The following TMEM51 variants were observed in gnomAD, a reference collection of about 807,000 sequenced individuals.
The protein encoded by TMEM51 is transmembrane protein 51.
In TMEM51, 8 loss-of-function variants were observed where a neutral mutation model predicts 13.6. The ratio of observed to expected loss-of-function variants is 0.59; its 90% CI spans 0.35 to 1.07. The LOEUF is 1.07. Among genes scored for constraint, TMEM51 ranks in the 50% least tolerant of loss-of-function variants. The probability of loss-of-function intolerance (pLI) is 0.02; values close to 1 mark genes in which losing one functional copy is unlikely to be tolerated. For missense variants in TMEM51, 279 were observed against 330.7 expected (o/e 0.84, Z 1.21); for synonymous variants, 147 against 144.4 (o/e 1.02, Z -0.13).
rs1643256414 is a variant in TMEM51, at chr1:15,171,127, C to A, written c.-267+17173C>A. On this transcript the variant is annotated intron_variant, in intron 1 of 3. Coordinates refer to ENST00000376008, the MANE Select transcript of TMEM51 (RefSeq NM_001136218.2). ...TCCACCCCCCGCCACATCCCCCACCCCCAGTTGCTGATTCAGTAGGTCTGA... is the reference window on the plus strand; with the variant it reads ...TCCACCCCCCGCCACATCCCCCACCACCAGTTGCTGATTCAGTAGGTCTGA... 1.0e-5 allele frequency: 13 copies of A among 1,288,086 alleles called. No individual in the cohort carries two copies. The South Asian group carries it at 1.5e-4, about 15-fold the overall frequency. 79.8% of individuals were successfully genotyped at this position (1,288,086 alleles called of 1,614,324 possible).
At chr1:15,192,536 C>T (rs1244087721) in intron 1 of TMEM51, 1 of 183,862 alleles carries the variant, frequency 5.4e-6, no homozygotes, top group Non-Finnish European at 1.1e-5. Context: ...CTCACTGCAA[C>T]CTCCGCCTCC....
At chr1:15,178,874 G>A (rs1009805748) in intron 1 of TMEM51, among the ~76,000 whole-genome samples, 2 of 152,238 alleles carry the variant, frequency 1.3e-5, no homozygotes, top group African/African-American at 4.8e-5. Flanking sequence ...ATGAAACCTG[G>A]TTGATGCCTT....
rs148247343 is a variant in TMEM51 at position 15,156,489 on chromosome 1, G to C, written c.-267+2535G>C. Among the ~76,000 whole-genome samples, 281 of 152,308 alleles carry C rather than the reference G, an allele frequency of 1.8e-3. 1 individual carries two copies. The highest frequency in any genetic ancestry group is 6.6e-3 in the African/African-American group (275 of 41,558). On this transcript the variant is annotated intron_variant, in intron 1 of 3. Transcript: ENST00000376008. ...GCAAAAGAGAAGCATTGTCTCCCTCGGTGCTGGGAAAGTTTCAGAAGCTCA... is the reference window on the plus strand; with the variant it reads ...GCAAAAGAGAAGCATTGTCTCCCTCCGTGCTGGGAAAGTTTCAGAAGCTCA...
At chr1:15,180,313 T>C (rs1417724502) in intron 1 of TMEM51, among the ~76,000 whole-genome samples, 1 of 152,226 alleles carries the variant, frequency 6.6e-6, no homozygotes, top group Admixed American at 6.5e-5. Context: ...CTCTAAGCTA[T>C]GGACAAAGGC....
At chr1:15,206,481 C>G (rs950547197) in intron 1 of TMEM51, among the ~76,000 whole-genome samples, 1 of 152,120 alleles carries the variant, frequency 6.6e-6, no homozygotes, top group East Asian at 1.9e-4. Flanking sequence ...TTGTGGGAAC[C>G]CGCATAGTGC....
intron 1 of TMEM51, among the ~76,000 whole-genome samples, chr1:15,188,037 C>T (rs1448748043): frequency 6.6e-6 from 1 of 152,130 alleles, no homozygotes; most frequent in African/African-American, 2.4e-5. Flanking sequence ...CTGTTTTGGT[C>T]ACTTATTTCA....
intron 2 of TMEM51, among the ~76,000 whole-genome samples, chr1:15,214,214 T>C (rs1401416517): frequency 1.3e-5 from 2 of 151,998 alleles, no homozygotes; most frequent in African/African-American, 2.4e-5. Flanking sequence ...AGAGAGAGAC[T>C]CACCACGGTG....
chr1:15,177,233 TAACA>T (rs1238534574), intron 1 of TMEM51, among the ~76,000 whole-genome samples: 2 of 152,082 alleles, frequency 1.3e-5, no homozygotes, highest in Non-Finnish European at 2.9e-5. Context: ...ATAAAATAAA[TAACA>T]AACACTTCAC....
At chr1:15,187,692 C>T (rs1643823542) in intron 1 of TMEM51, among the ~76,000 whole-genome samples, 1 of 152,186 alleles carries the variant, frequency 6.6e-6, no homozygotes, top group Non-Finnish European at 1.5e-5. Context: ...GATTTATGAC[C>T]CTCTCTATGG....
intron 2 of TMEM51, among the ~76,000 whole-genome samples, chr1:15,212,771 C>A (rs892572683): frequency 6.6e-6 from 1 of 152,260 alleles, no homozygotes; most frequent in African/African-American, 2.4e-5. Flanking sequence ...CAGCGCCCTG[C>A]ACGCCACACA....
At chr1:15,184,915 A>T (rs1643725439) in intron 1 of TMEM51, among the ~76,000 whole-genome samples, 1 of 152,022 alleles carries the variant, frequency 6.6e-6, no homozygotes, top group African/African-American at 2.4e-5. Flanking sequence ...AGATGCTGTT[A>T]TACAACCGAC....
chr1:15,162,690 G>A (rs1642824507), intron 1 of TMEM51, among the ~76,000 whole-genome samples: 1 of 152,020 alleles, frequency 6.6e-6, no homozygotes, highest in Admixed American at 6.5e-5. Flanking sequence ...GCCTCCATGT[G>A]GAAGGAAATT....
intron 3 of TMEM51, among the ~76,000 whole-genome samples, chr1:15,218,093 T>C (rs1180757911): frequency 2.0e-5 from 3 of 152,344 alleles, no homozygotes; most frequent in South Asian, 4.1e-4. Flanking sequence ...GGTTCAAGTA[T>C]AGAGTCCTGG....
rs80127235 is a variant in TMEM51 at position 15,165,308 on chromosome 1, A to G, written c.-267+11354A>G. Among the ~76,000 whole-genome samples, 895 of 152,174 alleles carry G rather than the reference A, an allele frequency of 5.9e-3. 4 individuals carry two copies. The highest frequency in any genetic ancestry group is 0.021 in the African/African-American group (859 of 41,506). ...TCCAGTCTGGGTGACCCTGTCTCAA[A>G]AAAAAGAAGAAGAAATGCTGGTGGC... On this transcript the variant is annotated intron_variant, in intron 1 of 3. Coordinates refer to ENST00000376008, the MANE Select transcript of TMEM51 (RefSeq NM_001136218.2).
chr1:15,219,250 T>C, intron 3 of TMEM51, 76 bp from the exon 4 acceptor site: 1 of 1,470,190 alleles, frequency 6.8e-7, no homozygotes, highest in Non-Finnish European at 9.2e-7. Flanking sequence ...GTGGACTCTT[T>C]GGAGCCCATC....
At chr1:15,154,556 G>T (rs1382683830) in intron 1 of TMEM51, among the ~76,000 whole-genome samples, 1 of 152,154 alleles carries the variant, frequency 6.6e-6, no homozygotes, top group East Asian at 1.9e-4. Flanking sequence ...AGGGTGCGGC[G>T]GGGCATTCAT....
At chr1:15,196,592 A>G (rs1644055138) in intron 1 of TMEM51, among the ~76,000 whole-genome samples, 1 of 152,214 alleles carries the variant, frequency 6.6e-6, no homozygotes, top group Non-Finnish European at 1.5e-5. Flanking sequence ...GGCCTCAAAC[A>G]ATCCTCCCAC....
intron 1 of TMEM51, among the ~76,000 whole-genome samples, chr1:15,209,620 C>T (rs1026892032): frequency 3.3e-5 from 5 of 152,208 alleles, no homozygotes; most frequent in Admixed American, 2.6e-4. Context: ...CTGCTGCGTA[C>T]GTAATACTCC....
intron 1 of TMEM51, among the ~76,000 whole-genome samples, chr1:15,185,224 A>G (rs894422267): frequency 1.3e-5 from 2 of 152,166 alleles, no homozygotes; most frequent in African/African-American, 4.8e-5. Flanking sequence ...ATTTTGTCAA[A>G]TCTGTTCTAT....
Sources: allele counts gnomAD v4.1 joint callset (sites outside exome capture counted in the v4.1 genomes callset), GRCh38; gene constraint gnomAD v4.1.1; transcripts MANE v1.5; gene names NCBI Gene and HGNC (gene_info 2026-07-23, HGNC 2026-07-21).